MYH6: variants seen among roughly 807,000 people sequenced by gnomAD.
The protein encoded by MYH6 is myosin heavy chain 6.
In MYH6, 126 loss-of-function variants were observed where a neutral mutation model predicts 223.2. The ratio of observed to expected loss-of-function variants is 0.56; its 90% CI spans 0.49 to 0.65. The LOEUF is 0.65. Ranked by LOEUF, MYH6 falls within the 30% of genes least tolerant of loss-of-function variation. MYH6 has a pLI of 0.00. For synonymous variants in MYH6, 978 were observed against 1,010.2 expected (o/e 0.97, Z 0.61); for missense variants, 2,040 against 2,536.4 (o/e 0.80, Z 4.20).
rs188049981 is a variant in MYH6, at chr14:23,396,921, G to T, written c.2168+42C>A. ...ATCCCATTCCCATCAGGGCAGCCTG[G>T]CTCCCCCTGTTCTATGAGCTCTGGG... On this transcript the variant is annotated intron_variant, in intron 18 of 38. Coordinates refer to ENST00000405093, the MANE Select transcript of MYH6 (RefSeq NM_002471.4). The T allele has an allele frequency of 3.1e-6, 5 of 1,612,440 alleles. No homozygotes were observed. The East Asian group carries it at 8.9e-5, about 29-fold the overall frequency.
Position 23,407,537 on chromosome 14 carries a change from T to C in MYH6, c.-14+39A>G. The C allele has an allele frequency of 2.3e-6, 3 of 1,281,710 alleles. No individual in the cohort carries two copies. Among genetic ancestry groups the C allele is most frequent in the Non-Finnish European group, 3.0e-6 (3 of 1,002,488 alleles). The allele number at this position is 1,281,710 out of a possible 1,614,324, so 79.4% of individuals were successfully genotyped here. A position where few individuals can be genotyped will look rare whatever the true frequency, so the allele number is the denominator to read the frequency against. On this transcript the variant is annotated intron_variant, in intron 2 of 38. Coordinates refer to ENST00000405093, the MANE Select transcript of MYH6 (RefSeq NM_002471.4). The surrounding 1 kb of genome is among the most constrained non-coding windows in gnomAD (Gnocchi z 5.6). ...AGCAATCCGGCTCCCAGGAGAAGCA[T>C]GCCCCAGTCTCTGCAGAGAAAATGG...
At position 23,407,539 on chromosome 14, in the gene MYH6, C is replaced by A. The variant is rs561420187; in HGVS notation, c.-14+37G>T. 70 of 1,280,494 alleles carry A rather than the reference C, an allele frequency of 5.5e-5. No individual in the cohort carries two copies. In the African/African-American group the frequency reaches 9.1e-4, roughly 17 times the overall value. The allele number at this position is 1,280,494 out of a possible 1,614,324, so 79.3% of individuals were successfully genotyped here. A position where few individuals can be genotyped will look rare whatever the true frequency, so the allele number is the denominator to read the frequency against. ...CAATCCGGCTCCCAGGAGAAGCATGCCCCAGTCTCTGCAGAGAAAATGGGG... is the reference window on the plus strand; with the variant it reads ...CAATCCGGCTCCCAGGAGAAGCATGACCCAGTCTCTGCAGAGAAAATGGGG... On this transcript the variant is annotated intron_variant, in intron 2 of 38. Coordinates refer to ENST00000405093, the MANE Select transcript of MYH6 (RefSeq NM_002471.4). This position sits in a 1 kb window ranked among gnomAD's most constrained non-coding sequence, Gnocchi z 5.6.
chr14:23,389,815 G>C, intron 26 of MYH6, 96 bp from the exon 27 acceptor site: 1 of 1,598,948 alleles, frequency 6.3e-7, no homozygotes, highest in Non-Finnish European at 8.6e-7. Context: ...CAGAGGGCAG[G>C]AGGGGGACAC....
rs2138582536 is a variant in MYH6 at position 23,385,050 on chromosome 14, G to A, written c.5164-9C>T. On this transcript the variant is annotated splice_polypyrimidine_tract_variant and intron_variant, in intron 34 of 38. Coordinates refer to ENST00000405093, the MANE Select transcript of MYH6 (RefSeq NM_002471.4). ...TTGATGAGGCTGGTGTTCTAGACAT[G>A]GAGAGAGAAAAATGATCAAATATAT... The A allele has an allele frequency of 6.2e-7, 1 of 1,614,028 alleles. No individual in the cohort carries two copies.
intron 20 of MYH6, among the ~76,000 whole-genome samples, chr14:23,395,315 G>T (rs1182597503): frequency 6.6e-6 from 1 of 152,202 alleles, no homozygotes; most frequent in Non-Finnish European, 1.5e-5. Flanking sequence ...CATGTAGTTG[G>T]AGTTCACATC....
chr14:23,390,362 G>A lies in MYH6; in HGVS notation c.3427C>T (p.Arg1143Trp), dbSNP rs755209382. ...KVEKLRSDLS[R>W]ELEEISERLE... is the part of the protein sequence containing the mutation. ...CGCTCGCTGATCTCCTCCAGCTCCC[G>A]AGACAGGTCTGAGCGCAGCTTCTCC... is the stretch of plus-strand genomic sequence containing the variant. The change falls in exon 26 of 39, where the codon CGG (arginine) becomes TGG (tryptophan). Residue 1143 changes from arginine to tryptophan, a missense_variant. By Grantham distance (101) the Arg-to-Trp change is moderately radical. Coordinates refer to ENST00000405093, the MANE Select transcript of MYH6 (RefSeq NM_002471.4). 6.0e-5 allele frequency: 96 copies of A among 1,608,002 alleles called. No homozygotes were observed. The highest frequency in any genetic ancestry group is 1.8e-4 in the Middle Eastern group (1 of 5,600).
rs145149045 is a variant in MYH6, at chr14:23,405,223, C to G, written c.502G>C (p.Asp168His). 3.1e-6 allele frequency: 5 copies of G among 1,614,078 alleles called. No individual in the cohort carries two copies. Among genetic ancestry groups the G allele is most frequent in the Non-Finnish European group, 4.2e-6 (5 of 1,180,038 alleles). ...SDNAYQYMLTDRENQSILITG... is the reference protein window; with the variant it reads ...SDNAYQYMLTHRENQSILITG... ...AGAGACCAGGGGCCACCAGGCTCAC[C>G]TGTCAGCATGTACTGATAGGCGTTG... Residue 168 changes from aspartate to histidine, a missense_variant and splice_region_variant, in exon 5 of 39, where the codon GAT becomes CAT. By Grantham distance (81) the Asp-to-His change is moderately conservative. Transcript: ENST00000405093. The surrounding 1 kb of genome is among the most constrained non-coding windows in gnomAD (Gnocchi z 4.7).
intron 15 of MYH6, among the ~76,000 whole-genome samples, chr14:23,398,218 A>G (rs1260542843): frequency 5.9e-5 from 9 of 151,866 alleles, no homozygotes; most frequent in Admixed American, 4.6e-4. Flanking sequence ...GGGTTTCACC[A>G]TGTTGACCAG....
chr14:23,388,113 C>T (rs758981331), intron 30 of MYH6, 42 bp downstream of exon 30: 1 of 1,612,116 alleles, frequency 6.2e-7, no homozygotes, highest in Admixed American at 1.7e-5. Context: ...CCTCATGCCC[C>T]CTTGCCCTGC....
rs1469508763 is a variant in MYH6, at chr14:23,394,056, A to G, written c.2685+12T>C. 1 of 1,613,890 alleles carries G rather than the reference A, an allele frequency of 6.2e-7. No homozygotes were observed. Among genetic ancestry groups the G allele is most frequent in the African/African-American group, 1.3e-5 (1 of 74,896 alleles). ...GGAGGAGAGGGCTGAAGAGATAATC[A>G]CGTGGCCTCACCGCCTGCACTTGGA... On this transcript the variant is annotated intron_variant, in intron 21 of 38. Coordinates refer to ENST00000405093, the MANE Select transcript of MYH6 (RefSeq NM_002471.4).
intron 25 of MYH6, 97 bp downstream of exon 25, chr14:23,392,465 G>C: frequency 1.0e-6 from 1 of 963,290 alleles, no homozygotes; most frequent in Non-Finnish European, 1.7e-6. Context: ...GCTGCCTGGA[G>C]TTCCAGATAT....
At chr14:23,388,024 A>G in intron 30 of MYH6, 101 bp from the exon 31 acceptor site, 1 of 1,605,642 alleles carries the variant, frequency 6.2e-7, no homozygotes, top group East Asian at 2.2e-5. Flanking sequence ...CATGTCCAAG[A>G]TCTGTCCCTG....
chr14:23,403,865 G>A, intron 8 of MYH6, 87 bp from the exon 9 acceptor site: 1 of 1,232,238 alleles, frequency 8.1e-7, no homozygotes, highest in Non-Finnish European at 1.2e-6. Flanking sequence ...AGCCCTGGAT[G>A]GTTCTGGAAA....
intron 25 of MYH6, among the ~76,000 whole-genome samples, chr14:23,391,477 A>G (rs907653775): frequency 6.6e-6 from 1 of 152,242 alleles, no homozygotes; most frequent in Non-Finnish European, 1.5e-5. Flanking sequence ...AAAACCCAGA[A>G]GGGGCATCCA....
At position 23,402,573 on chromosome 14, in the gene MYH6, T is replaced by C; in HGVS notation, c.1032A>G (p.Ser344=). ...GCTTGTAGACGCCAGCTTTCTCCTC[T>C]GAAGTGAAGCCCAGCACGTCAAAGG... The part of the protein sequence containing the change: ...DSAFDVLGFT[S]EEKAGVYKLT... Residue 344 remains serine (S), a synonymous_variant, in exon 12 of 39, where the codon TCA becomes TCG. Transcript: ENST00000405093. The C allele has an allele frequency of 6.2e-7, 1 of 1,613,576 alleles. No individual in the cohort carries two copies. Among genetic ancestry groups the C allele is most frequent in the Non-Finnish European group, 8.5e-7 (1 of 1,179,918 alleles).
intron 28 of MYH6, 137 bp downstream of exon 28, chr14:23,389,256 G>T: frequency 8.4e-7 from 1 of 1,186,972 alleles, no homozygotes; most frequent in Non-Finnish European, 1.2e-6. Context: ...ATGACGCTTA[G>T]CTGCAGGGCA....
chr14:23,403,235 G>T, intron 10 of MYH6, 113 bp downstream of exon 10: 1 of 906,532 alleles, frequency 1.1e-6, no homozygotes, highest in Non-Finnish European at 1.9e-6. Flanking sequence ...GAGAAGGGAA[G>T]TGAGCAGCAA....
rs752219541 is a variant in MYH6, at chr14:23,405,780, G to A, written c.202-10C>T. 3.1e-6 allele frequency: 5 copies of A among 1,614,034 alleles called. No homozygotes were observed. On this transcript the variant is annotated splice_polypyrimidine_tract_variant and intron_variant, in intron 3 of 38. Transcript: ENST00000405093. The surrounding 1 kb of genome is among the most constrained non-coding windows in gnomAD (Gnocchi z 4.7). ...CCTTCACAGTCACCGTCTGGAGGGG[G>A]CGCATAAGCAGGAGGATGAGTGACC...
At chr14:23,384,130 C>T (rs1251321225) in intron 36 of MYH6, among the ~76,000 whole-genome samples, 3 of 150,018 alleles carry the variant, frequency 2.0e-5, no homozygotes, top group Admixed American at 6.7e-5. Flanking sequence ...TCCCCACAGT[C>T]GAAGGTGGAA....
Sources: gnomAD v4.1 joint callset for allele counts (sites outside exome capture counted in the v4.1 genomes callset) on GRCh38, gnomAD v4.1.1 for gene constraint, Gnocchi (gnomAD v3.1) non-coding constraint, MANE v1.5 for transcripts, NCBI Gene and HGNC (gene_info 2026-07-23, HGNC 2026-07-21) for gene names.